Variants in BACH2 observed in about 807,000 individuals in gnomAD.
BACH2 encodes transcription regulator protein BACH2.
BACH2 carries 5 observed loss-of-function variants against 61.8 expected under a neutral mutation model. The observed-to-expected ratio is 0.08, with a 90% confidence interval of 0.04 to 0.17. BACH2 has a LOEUF of 0.17. Among genes scored for constraint, BACH2 ranks in the 10% least tolerant of loss-of-function variants. BACH2 has a pLI of 1.00. For synonymous variants in BACH2, 446 were observed against 440.1 expected (o/e 1.01, Z -0.17); for missense variants, 824 against 1,091.1 (o/e 0.76, Z 3.45).
At chr6:90,068,786 G>A (rs1781085446) in intron 5 of BACH2, among the ~76,000 whole-genome samples, 1 of 152,092 alleles carries the variant, frequency 6.6e-6, no homozygotes, top group Non-Finnish European at 1.5e-5. Context: ...CATGTTCTAA[G>A]GGATGCACCT....
chr6:90,273,489 T>C (rs1040624411), intron 1 of BACH2, among the ~76,000 whole-genome samples: 9 of 152,308 alleles, frequency 5.9e-5, no homozygotes, highest in East Asian at 3.9e-4. Context: ...AAGTGTTAAA[T>C]GGTAATGGCT....
intron 3 of BACH2, among the ~76,000 whole-genome samples, chr6:90,217,768 G>A (rs1319656773): frequency 6.6e-6 from 1 of 152,042 alleles, no homozygotes; most frequent in Non-Finnish European, 1.5e-5. Context: ...ATGTTTTAAA[G>A]GCTTGTGGTA....
At chr6:90,249,342 C>T (rs1429645940) in intron 3 of BACH2, among the ~76,000 whole-genome samples, 1 of 152,192 alleles carries the variant, frequency 6.6e-6, no homozygotes, top group Admixed American at 6.5e-5. Context: ...CCTCCCATAA[C>T]TGCAAAGTCC....
chr6:90,281,108 A>G (rs2127886628), intron 1 of BACH2, among the ~76,000 whole-genome samples: 1 of 152,332 alleles, frequency 6.6e-6, no homozygotes, highest in East Asian at 1.9e-4. Flanking sequence ...ACCTGAGAGT[A>G]GTTGAGTGAG....
chr6:90,007,638 T>C (rs1777481741), intron 6 of BACH2, among the ~76,000 whole-genome samples: 1 of 152,210 alleles, frequency 6.6e-6, no homozygotes, highest in African/African-American at 2.4e-5. Flanking sequence ...ATCAGCATCA[T>C]ATCTGGGTGA....
At chr6:90,275,120 T>C (rs1037616108) in intron 1 of BACH2, among the ~76,000 whole-genome samples, 1 of 152,252 alleles carries the variant, frequency 6.6e-6, no homozygotes, top group African/African-American at 2.4e-5. Context: ...TTTGGAGCAG[T>C]GTCATTTGAA....
chr6:89,990,062 G>A (rs1776460315), intron 6 of BACH2, among the ~76,000 whole-genome samples: 1 of 152,084 alleles, frequency 6.6e-6, no homozygotes, highest in African/African-American at 2.4e-5. Flanking sequence ...AACCTTGCGG[G>A]GCCACTCCCA....
intron 3 of BACH2, among the ~76,000 whole-genome samples, chr6:90,210,698 T>C (rs1769315926): frequency 1.3e-5 from 2 of 152,190 alleles, no homozygotes; most frequent in South Asian, 4.1e-4. Context: ...TGGATTCCTC[T>C]AGTACTGAAC....
chr6:90,025,989 G>A (rs906351116), intron 5 of BACH2, among the ~76,000 whole-genome samples: 32 of 152,256 alleles, frequency 2.1e-4, no homozygotes, highest in African/African-American at 7.2e-4. Context: ...GTTCAACACA[G>A]GGCTCATAAC....
At chr6:89,994,633 TAG>T (rs962919135) in intron 6 of BACH2, among the ~76,000 whole-genome samples, 33 of 152,154 alleles carry the variant, frequency 2.2e-4, no homozygotes, top group African/African-American at 7.0e-4. Flanking sequence ...CTGGTGGCTT[TAG>T]AGAGAAATCC....
chr6:90,034,423 A>G (rs1779165225), intron 5 of BACH2, among the ~76,000 whole-genome samples: 1 of 152,168 alleles, frequency 6.6e-6, no homozygotes, highest in Non-Finnish European at 1.5e-5. Flanking sequence ...AACTCAGCAC[A>G]CTGTACATTT....
At chr6:90,295,867 C>G (rs1772345881) in intron 1 of BACH2, among the ~76,000 whole-genome samples, 1 of 152,268 alleles carries the variant, frequency 6.6e-6, no homozygotes, top group African/African-American at 2.4e-5. Context: ...CGACCCTAAA[C>G]TTGGGCTTTG....
chr6:89,998,405 T>C (rs1364616770), intron 6 of BACH2, among the ~76,000 whole-genome samples: 1 of 152,176 alleles, frequency 6.6e-6, no homozygotes, highest in East Asian at 1.9e-4. Flanking sequence ...CCAATGTCAG[T>C]TACAGAGACT....
chr6:90,284,017 A>C (rs2127888224), intron 1 of BACH2, among the ~76,000 whole-genome samples: 1 of 152,044 alleles, frequency 6.6e-6, no homozygotes, highest in Admixed American at 6.5e-5. Context: ...AAAATAAATA[A>C]ATAAATAAAT....
chr6:90,288,790 T>G (rs1411261513), intron 1 of BACH2, among the ~76,000 whole-genome samples: 1 of 152,174 alleles, frequency 6.6e-6, no homozygotes, highest in Non-Finnish European at 1.5e-5. Flanking sequence ...ATGAACATCT[T>G]CCTCCTTGGT....
At chr6:90,101,427 A>G (rs539221241) in intron 4 of BACH2, among the ~76,000 whole-genome samples, 6 of 152,336 alleles carry the variant, frequency 3.9e-5, no homozygotes, top group South Asian at 2.1e-4. Flanking sequence ...GGTGTAAGGT[A>G]TAAGTCCAAG....
chr6:90,287,754 G>A (rs1247358506), intron 1 of BACH2, among the ~76,000 whole-genome samples: 1 of 152,136 alleles, frequency 6.6e-6, no homozygotes, highest in East Asian at 1.9e-4. Context: ...AAATTCTATT[G>A]TTTTTATCTT....
intron 5 of BACH2, among the ~76,000 whole-genome samples, chr6:90,051,437 A>G (rs1780041850): frequency 6.6e-6 from 1 of 152,220 alleles, no homozygotes; most frequent in African/African-American, 2.4e-5. Context: ...TTATAGGAAC[A>G]GAGCTCTATC....
At chr6:90,287,156 CG>C (rs1772044505) in intron 1 of BACH2, among the ~76,000 whole-genome samples, 1 of 152,016 alleles carries the variant, frequency 6.6e-6, no homozygotes, top group Non-Finnish European at 1.5e-5. Context: ...GACTGAAGGG[CG>C]TTGACTCTAC....
Sources: gnomAD v4.1 joint callset for allele counts (sites outside exome capture counted in the v4.1 genomes callset) on GRCh38, gnomAD v4.1.1 for gene constraint, MANE v1.5 for transcripts, NCBI Gene and HGNC (gene_info 2026-07-23, HGNC 2026-07-21) for gene names.